The following NECAB1 variants were observed in gnomAD, a reference collection of about 807,000 sequenced individuals.
The protein encoded by NECAB1 is N-terminal EF-hand calcium-binding protein 1.
A neutral mutation model predicts 57.5 loss-of-function variants in NECAB1; 29 were observed. The ratio of observed to expected loss-of-function variants is 0.50; its 90% confidence interval spans 0.38 to 0.69. The LOEUF (loss-of-function observed/expected upper bound fraction) is 0.69, where lower values mean the gene tolerates loss of function less well. NECAB1 is among the 30% of genes least tolerant of loss of function. NECAB1 has a pLI of 0.00. For missense variants in NECAB1, 372 were observed against 413.8 expected (o/e 0.90, Z 0.88); for synonymous variants, 142 against 147.7 (o/e 0.96, Z 0.28).
chr8:90,922,699 G>A (rs1026928026), intron 6 of NECAB1, among the ~76,000 whole-genome samples: 1 of 151,814 alleles, frequency 6.6e-6, no homozygotes, highest in African/African-American at 2.4e-5. Flanking sequence ...CACCATGTTG[G>A]CCAAGCTGGT....
Position 90,813,675 on chromosome 8 carries a change from C to T in NECAB1, c.125-11042C>T, listed in dbSNP as rs143011899. Among the ~76,000 whole-genome samples, 888 of 152,198 alleles carry T rather than the reference C, an allele frequency of 5.8e-3. 10 individuals are homozygous for T. The highest frequency in any genetic ancestry group is 0.02 in the African/African-American group (838 of 41,526). On this transcript the variant is annotated intron_variant, in intron 2 of 12. Transcript: ENST00000417640. ...TTGAGTAGCTAGTACTACAGGTGCA[C>T]ACCACCACACCCAGCTAATTTTTAA...
intron 5 of NECAB1, among the ~76,000 whole-genome samples, chr8:90,912,452 A>C (rs2130091158): frequency 6.6e-6 from 1 of 152,320 alleles, no homozygotes; most frequent in South Asian, 2.1e-4. Flanking sequence ...TATCTGGTTA[A>C]GATAGGGCTC....
intron 3 of NECAB1, among the ~76,000 whole-genome samples, chr8:90,829,324 T>C (rs907863828): frequency 2.0e-5 from 3 of 152,114 alleles, no homozygotes; most frequent in East Asian, 3.9e-4. Context: ...AAAGTGTTCT[T>C]ATTCATCAGA....
chr8:90,822,427 A>G (rs574505142), intron 2 of NECAB1, among the ~76,000 whole-genome samples: 1 of 152,058 alleles, frequency 6.6e-6, no homozygotes, highest in South Asian at 2.1e-4. Flanking sequence ...GAAGTCTTTC[A>G]GGAATACTGC....
intron 2 of NECAB1, among the ~76,000 whole-genome samples, chr8:90,817,008 T>C (rs556116414): frequency 2.0e-5 from 3 of 151,796 alleles, no homozygotes; most frequent in South Asian, 2.1e-4. Flanking sequence ...TTTTGTAGTT[T>C]TCTGCATTTA....
chr8:90,890,712 A>T (rs576385985), intron 5 of NECAB1, among the ~76,000 whole-genome samples: 41 of 152,312 alleles, frequency 2.7e-4, no homozygotes, highest in African/African-American at 9.6e-4. Flanking sequence ...TCAAACAAAG[A>T]GGGTTCCAGA....
At chr8:90,888,808 A>G (rs1224005662) in intron 5 of NECAB1, among the ~76,000 whole-genome samples, 1 of 152,238 alleles carries the variant, frequency 6.6e-6, no homozygotes, top group East Asian at 1.9e-4. Context: ...ATTGTGTGAC[A>G]TCCCTTTGGA....
intron 8 of NECAB1, among the ~76,000 whole-genome samples, chr8:90,930,091 T>G (rs574606425): frequency 6.6e-6 from 1 of 152,002 alleles, no homozygotes; most frequent in African/African-American, 2.4e-5. Flanking sequence ...TTAAAACAAA[T>G]GCAAAATGGG....
At chr8:90,927,204 CTTTT>C (rs545020130) in intron 7 of NECAB1, among the ~76,000 whole-genome samples, 4 of 131,132 alleles carry the variant, frequency 3.1e-5, no homozygotes, top group Non-Finnish European at 6.3e-5. Context: ...TTTTCTCTCT[CTTTT>C]TTTTTTTTTT....
At chr8:90,792,611 T>C (rs548660785) in intron 1 of NECAB1, among the ~76,000 whole-genome samples, 4 of 152,356 alleles carry the variant, frequency 2.6e-5, no homozygotes, top group African/African-American at 7.2e-5. Context: ...GTCACCTCCA[T>C]GAATTCTAGC....
At chr8:90,794,404 C>A (rs1811626512) in intron 1 of NECAB1, among the ~76,000 whole-genome samples, 1 of 152,040 alleles carries the variant, frequency 6.6e-6, no homozygotes, top group Admixed American at 6.6e-5. Context: ...ATTACCTGTT[C>A]CAAACTGGAA....
In NECAB1 at chr8:90,813,547, G is replaced by A. The variant is rs75093108; in HGVS notation, c.125-11170G>A. On this transcript the variant is annotated intron_variant, in intron 2 of 12. Coordinates refer to ENST00000417640, the MANE Select transcript of NECAB1 (RefSeq NM_022351.5). ...TTATTATTATCATTATTATTTTAGA[G>A]ACAAGATCTCACTCTGTCACCCAGG... 9.4e-3 allele frequency among the ~76,000 whole-genome samples: 1,427 copies of A among 151,950 alleles called. 10 individuals carry two copies. Among genetic ancestry groups the A allele is most frequent in the South Asian group, 0.039 (186 of 4,804 alleles).
intron 5 of NECAB1, among the ~76,000 whole-genome samples, chr8:90,908,474 G>A (rs978078759): frequency 6.6e-6 from 1 of 152,034 alleles, no homozygotes; most frequent in Non-Finnish European, 1.5e-5. Context: ...TATAAGAGGT[G>A]TTAAAAATTA....
rs765781292 is a variant in NECAB1 at position 90,940,904 on chromosome 8, T to C, written c.860+6T>C. On this transcript the variant is annotated splice_donor_region_variant and intron_variant, in intron 10 of 12. Transcript: ENST00000417640. ...TCCCAAAGTGGATGCTTGCGGTAAG[T>C]GCTCCGACTCCTGCACCTTAGGCCT... 1.3e-6 allele frequency: 2 copies of C among 1,551,976 alleles called. No homozygotes were observed. The highest frequency in any genetic ancestry group is 1.9e-5 in the Admixed American group (1 of 51,386).
chr8:90,884,376 T>C (rs972354375), intron 5 of NECAB1, among the ~76,000 whole-genome samples: 1 of 152,202 alleles, frequency 6.6e-6, no homozygotes, highest in South Asian at 2.1e-4. Context: ...CAGGGCTCCA[T>C]AGTCCTTTCA....
Position 90,804,498 on chromosome 8 carries a change from C to T in NECAB1, c.124+2783C>T, listed in dbSNP as rs995909506. On this transcript the variant is annotated intron_variant, in intron 2 of 12. Transcript: ENST00000417640. ...TGAGTTCTGTACATTTTAGTACCAC[C>T]GAGAGTAAATTTCTTCTAATGTTCT... Among the ~76,000 whole-genome samples the T allele has an allele frequency of 2.6e-4, 40 of 151,950 alleles. 1 individual carries two copies. The highest frequency in any genetic ancestry group is 3.9e-4 in the Admixed American group (6 of 15,266).
At position 90,791,924 on chromosome 8, in the gene NECAB1, A is replaced by G. The variant is rs1184553762; in HGVS notation, c.38A>G (p.Asn13Ser). The part of the protein sequence containing the change: ...DSQETSPSSN[N>S]SSEELSSALH... ...CAGGAGACATCGCCGTCCTCCAACAACTCCTCGGAGGAGCTCAGCTCTGCT... is the reference window on the plus strand; with the variant it reads ...CAGGAGACATCGCCGTCCTCCAACAGCTCCTCGGAGGAGCTCAGCTCTGCT... Residue 13 changes from asparagine to serine, a missense_variant, in exon 1 of 13, where the codon AAC becomes AGC. By Grantham distance (46) the Asn-to-Ser change is conservative. Transcript: ENST00000417640. The G allele has an allele frequency of 4.5e-6, 7 of 1,551,912 alleles. No individual in the cohort carries two copies. Among genetic ancestry groups the G allele is most frequent in the African/African-American group, 2.7e-5 (2 of 72,910 alleles).
At chr8:90,823,850 G>A (rs1812184955) in intron 2 of NECAB1, among the ~76,000 whole-genome samples, 1 of 151,826 alleles carries the variant, frequency 6.6e-6, no homozygotes, top group Admixed American at 6.6e-5. Flanking sequence ...TGCACAGAGA[G>A]AAAGATGCTT....
At chr8:90,922,829 T>C (rs1451434919) in intron 6 of NECAB1, among the ~76,000 whole-genome samples, 1 of 152,038 alleles carries the variant, frequency 6.6e-6, no homozygotes, top group African/African-American at 2.4e-5. Flanking sequence ...GGAAAATTCA[T>C]AGGGAGATTT....
Sources: allele counts gnomAD v4.1 joint callset (sites outside exome capture counted in the v4.1 genomes callset), GRCh38; gene constraint gnomAD v4.1.1; transcripts MANE v1.5; gene names NCBI Gene and HGNC (gene_info 2026-07-23, HGNC 2026-07-21).